The following INPP4A variants were observed in gnomAD, a reference collection of about 807,000 sequenced individuals.
INPP4A encodes inositol polyphosphate-4-phosphatase, type I, 107kD.
Under a neutral mutation model 119.8 loss-of-function variants are expected in INPP4A, and 33 were observed. The observed-to-expected ratio is 0.28, with a 90% confidence interval of 0.21 to 0.37. INPP4A has a LOEUF of 0.37. INPP4A is among the 10% of genes least tolerant of loss of function. The pLI, the probability that INPP4A is intolerant of heterozygous loss-of-function variation, is 1.00. For synonymous variants in INPP4A, 496 were observed against 500.7 expected (o/e 0.99, Z 0.12); for missense variants, 956 against 1,289.9 (o/e 0.74, Z 3.97).
chr2:98,483,730 C>T (rs917072082), intron 1 of INPP4A, among the ~76,000 whole-genome samples: 1 of 152,188 alleles, frequency 6.6e-6, no homozygotes, highest in Non-Finnish European at 1.5e-5. Flanking sequence ...CTTTCTCTTC[C>T]TGTCCCTACC....
intron 1 of INPP4A, among the ~76,000 whole-genome samples, chr2:98,496,601 A>G (rs1170123370): frequency 2.0e-5 from 3 of 152,202 alleles, no homozygotes; most frequent in African/African-American, 2.4e-5. Context: ...GATTGAAGAA[A>G]ATATTTGCAA....
At chr2:98,513,197 CAG>C (rs895824236) in intron 1 of INPP4A, among the ~76,000 whole-genome samples, 7 of 152,154 alleles carry the variant, frequency 4.6e-5, no homozygotes, top group Admixed American at 4.6e-4. Flanking sequence ...CTCCCAGAAT[CAG>C]TCCTTCTGCT....
chr2:98,577,340 G>A (rs933956401), intron 24 of INPP4A, among the ~76,000 whole-genome samples, 197 bp downstream of exon 24: 1 of 152,130 alleles, frequency 6.6e-6, no homozygotes, highest in Non-Finnish European at 1.5e-5. Flanking sequence ...AGGTAAGGTG[G>A]GGGGTAACAG....
In INPP4A at chr2:98,568,621, G is replaced by A. The variant is rs775014766; in HGVS notation, c.2471G>A (p.Arg824Gln). The change falls in exon 22 of 25, where the codon CGG (arginine) becomes CAG (glutamine). Residue 824 changes from arginine to glutamine, a missense_variant. This residue lies in a region of INPP4A where 304 missense variants were observed against 492.1 expected (regional missense o/e 0.62). Transcript: ENST00000409851. Reference sequence around the variant, plus strand: ...GTCATCAACGTGGAGAGTTTGGTGCGGTTAAATTCCTACTTTGAGCAGTTT... The same window carrying A: ...GTCATCAACGTGGAGAGTTTGGTGCAGTTAAATTCCTACTTTGAGCAGTTT... The part of the protein sequence containing the change: ...QEVINVESLV[R>Q]LNSYFEQFKE... 6.2e-6 allele frequency: 10 copies of A among 1,604,626 alleles called. No individual in the cohort carries two copies. The highest frequency in any genetic ancestry group is 8.5e-6 in the Non-Finnish European group (10 of 1,174,934).
intron 1 of INPP4A, among the ~76,000 whole-genome samples, chr2:98,469,699 G>A (rs537833816): frequency 8.5e-4 from 129 of 151,968 alleles, no homozygotes; most frequent in Non-Finnish European, 1.6e-3. Context: ...AGCTACTTGG[G>A]AGGCTGAGGC....
Position 98,554,830 on chromosome 2 carries a change from GCT to G in INPP4A, c.1566+344_1566+345del, listed in dbSNP as rs1694165014. Reference sequence around the variant, plus strand: ...CTTGGGATGCTTGAGACCAGTCAGTGCTCTGTTTGCTGTTAGATTTTCCAGGG... The same window carrying G: ...CTTGGGATGCTTGAGACCAGTCAGTGCTGTTTGCTGTTAGATTTTCCAGGG... On this transcript the variant is annotated intron_variant, in intron 15 of 24. Coordinates refer to ENST00000409851, the MANE Select transcript of INPP4A (RefSeq NM_001134225.2). This position sits in a 1 kb window ranked among gnomAD's most constrained non-coding sequence, Gnocchi z 4.7. Among the ~76,000 whole-genome samples, 1 of 152,174 alleles carries G rather than the reference GCT, an allele frequency of 6.6e-6. No homozygotes were observed. The highest frequency in any genetic ancestry group is 6.5e-5 in the Admixed American group (1 of 15,282).
At chr2:98,552,467 G>C in intron 13 of INPP4A, 1 of 446,720 alleles carries the variant, frequency 2.2e-6, no homozygotes, top group East Asian at 5.9e-5. Context: ...TGAGGTGGAA[G>C]ATTACGATCA....
chr2:98,496,568 C>G (rs1021194435), intron 1 of INPP4A, among the ~76,000 whole-genome samples: 2 of 152,076 alleles, frequency 1.3e-5, no homozygotes, highest in African/African-American at 2.4e-5. Context: ...AAGGAAACAA[C>G]AAAGTGAAAA....
intron 13 of INPP4A, chr2:98,549,096 A>G: frequency 1.4e-6 from 1 of 735,150 alleles, no homozygotes. Flanking sequence ...CTAGTTATAC[A>G]CCTCATAAAC....
Position 98,563,628 on chromosome 2 carries a change from C to T in INPP4A, c.2019C>T (p.Phe673=). 1 of 1,612,578 alleles carries T rather than the reference C, an allele frequency of 6.2e-7. No individual in the cohort carries two copies. The highest frequency in any genetic ancestry group is 1.1e-5 in the South Asian group (1 of 91,012). ...LSLQYRRDVV[F]CQTLTALICG... The stretch of plus-strand genomic sequence containing the variant: ...TGCAGTACCGCCGTGACGTGGTCTT[C>T]TGCCAGACGGTAGGCCCCGGGAGCA... The change falls in exon 18 of 25, where the codon TTC becomes TTT. Residue 673 remains phenylalanine, a synonymous_variant. Transcript: ENST00000409851.
At chr2:98,529,409 G>C (rs2105868982) in intron 4 of INPP4A, among the ~76,000 whole-genome samples, 1 of 152,244 alleles carries the variant, frequency 6.6e-6, no homozygotes, top group East Asian at 1.9e-4. Flanking sequence ...GGAATTTGTG[G>C]TGATGGTTGC....
At chr2:98,473,611 AGGG>A (rs1676611509) in intron 1 of INPP4A, among the ~76,000 whole-genome samples, 1 of 152,100 alleles carries the variant, frequency 6.6e-6, no homozygotes, top group Non-Finnish European at 1.5e-5. Context: ...CAATGTGGTC[AGGG>A]CCTCTCAGGA....
At chr2:98,536,833 A>G (rs757734544) in intron 7 of INPP4A, among the ~76,000 whole-genome samples, 2 of 152,236 alleles carry the variant, frequency 1.3e-5, no homozygotes, top group Non-Finnish European at 2.9e-5. Flanking sequence ...GTATTGAGAC[A>G]TTCTGAAGCT....
intron 20 of INPP4A, 104 bp downstream of exon 20, chr2:98,565,870 A>G (rs1017981154): frequency 6.6e-5 from 102 of 1,538,038 alleles, no homozygotes; most frequent in Non-Finnish European, 8.7e-5. Context: ...TCATTTTGTT[A>G]AATGCTCTGA....
chr2:98,554,230 C>G lies in INPP4A; in HGVS notation c.1348-41C>G. 2 of 1,513,246 alleles carry G rather than the reference C, an allele frequency of 1.3e-6. No individual in the cohort carries two copies. Among genetic ancestry groups the G allele is most frequent in the Non-Finnish European group, 1.8e-6 (2 of 1,113,132 alleles). The allele number at this position is 1,513,246 out of a possible 1,614,324, so 93.7% of individuals were successfully genotyped here. On this transcript the variant is annotated intron_variant, in intron 14 of 24. Transcript: ENST00000409851. This position sits in a 1 kb window ranked among gnomAD's most constrained non-coding sequence, Gnocchi z 4.7. The stretch of plus-strand genomic sequence containing the variant: ...GATAAGGCAGGGGCCTCCCCAGCCC[C>G]TGGCCTGGGCTCAGCAGCCTTGGTT...
At chr2:98,576,844 C>A in intron 23 of INPP4A, 145 bp from the exon 24 acceptor site, 2 of 982,138 alleles carry the variant, frequency 2.0e-6, no homozygotes, top group Non-Finnish European at 2.9e-6. Flanking sequence ...AGTTGGGGAA[C>A]AAAATTGGAG....
At chr2:98,500,047 G>C (rs892177512) in intron 1 of INPP4A, among the ~76,000 whole-genome samples, 10 of 152,178 alleles carry the variant, frequency 6.6e-5, no homozygotes, top group African/African-American at 2.4e-4. Context: ...ACCTCAGGCC[G>C]TGTCATTCTC....
At chr2:98,524,478 T>G (rs1687823811) in intron 4 of INPP4A, among the ~76,000 whole-genome samples, 2 of 152,168 alleles carry the variant, frequency 1.3e-5, no homozygotes, top group Non-Finnish European at 2.9e-5. Context: ...CAGGAGAGAT[T>G]GTCCCTTGTA....
intron 1 of INPP4A, among the ~76,000 whole-genome samples, chr2:98,498,778 T>G (rs1682554649): frequency 1.3e-5 from 2 of 152,188 alleles, no homozygotes; most frequent in Admixed American, 1.3e-4. Context: ...CTCATAGAAC[T>G]GGTGTCCTTA....
Sources: allele counts gnomAD v4.1 joint callset (sites outside exome capture counted in the v4.1 genomes callset), GRCh38; gene constraint gnomAD v4.1.1; regional missense constraint gnomAD v4.1.1; non-coding constraint Gnocchi (gnomAD v3.1); transcripts MANE v1.5; gene names NCBI Gene and HGNC (gene_info 2026-07-23, HGNC 2026-07-21).